Variants in FGD6 observed in about 807,000 individuals in gnomAD.
The protein encoded by FGD6 is FYVE, RhoGEF and PH domain containing 6, also known as FYVE, RhoGEF and PH domain-containing protein 6.
Under a neutral mutation model 149.4 loss-of-function variants are expected in FGD6, and 90 were observed. That is an observed-to-expected ratio of 0.60 (90% CI 0.51 to 0.72). FGD6 has a LOEUF of 0.72. Ranked by LOEUF, FGD6 falls within the 30% of genes least tolerant of loss-of-function variation. The probability of loss-of-function intolerance (pLI) is 0.00; values close to 1 mark genes in which losing one functional copy is unlikely to be tolerated. For synonymous variants in FGD6, 527 were observed against 584.0 expected (o/e 0.90, Z 1.41); for missense variants, 1,437 against 1,684.8 (o/e 0.85, Z 2.57).
intron 9 of FGD6, among the ~76,000 whole-genome samples, chr12:95,109,726 C>T (rs192674961): frequency 1.4e-4 from 21 of 152,078 alleles, no homozygotes; most frequent in African/African-American, 4.3e-4. Flanking sequence ...AGCTGGGTGT[C>T]GTGGCTCATG....
chr12:95,156,841 C>T (rs1880487467), intron 3 of FGD6, among the ~76,000 whole-genome samples: 1 of 152,116 alleles, frequency 6.6e-6, no homozygotes, highest in Non-Finnish European at 1.5e-5. Context: ...AAAATGAAAA[C>T]AACCTACGTG....
At position 95,079,623 on chromosome 12, in the gene FGD6, T is replaced by G. The variant is rs1207970538; in HGVS notation, c.*1897A>C. ...TAACATGGAAGCCTTATTTATGTGA[T>G]CTTGATTATATAAAATTGAGCTACA... On this transcript the variant is annotated 3_prime_UTR_variant, in exon 21 of 21. Coordinates refer to ENST00000343958, the MANE Select transcript of FGD6 (RefSeq NM_018351.4). 3 of 152,190 alleles carry G rather than the reference T, an allele frequency of 2.0e-5. No individual in the cohort carries two copies. The highest frequency in any genetic ancestry group is 4.4e-5 in the Non-Finnish European group (3 of 68,022). The allele number at this position is 152,190 out of a possible 1,614,324, so 9.4% of individuals were successfully genotyped here.
chr12:95,086,779 C>T (rs1877884452), intron 18 of FGD6, among the ~76,000 whole-genome samples: 1 of 150,678 alleles, frequency 6.6e-6, no homozygotes, highest in Non-Finnish European at 1.5e-5. Flanking sequence ...ATCTCCCGAC[C>T]TTGTGATCCA....
At chr12:95,180,835 A>C (rs1279228284) in intron 2 of FGD6, among the ~76,000 whole-genome samples, 1 of 152,178 alleles carries the variant, frequency 6.6e-6, no homozygotes, top group Non-Finnish European at 1.5e-5. Flanking sequence ...ATGTATTTAT[A>C]CATATATACA....
chr12:95,148,783 T>TAC (rs1880128291), intron 5 of FGD6, among the ~76,000 whole-genome samples: 2 of 102,844 alleles, frequency 1.9e-5, no homozygotes, highest in South Asian at 2.8e-4. Flanking sequence ...ATATTATATA[T>TAC]TATATAATAC....
intron 2 of FGD6, among the ~76,000 whole-genome samples, chr12:95,191,340 G>A (rs1881583292): frequency 6.6e-6 from 1 of 152,158 alleles, no homozygotes; most frequent in Admixed American, 6.5e-5. Context: ...CTTCTCCAAG[G>A]GAGCTTTGTT....
chr12:95,205,997 T>C (rs1487009619), intron 2 of FGD6, among the ~76,000 whole-genome samples: 2 of 152,196 alleles, frequency 1.3e-5, no homozygotes, highest in Non-Finnish European at 1.5e-5. Flanking sequence ...ACTCTCCTTA[T>C]GCCACTGGCT....
At chr12:95,129,307 GCATGCATCCATCCATC>G (rs1355807992) in intron 8 of FGD6, among the ~76,000 whole-genome samples, 2,531 of 142,134 alleles carry the variant, frequency 0.018, 65 homozygotes, top group African/African-American at 0.058. Flanking sequence ...ATGCATGCAT[GCATGCATCCATCCATC>G]CATCCATCCA....
chr12:95,102,988 G>A (rs915547819), intron 14 of FGD6, among the ~76,000 whole-genome samples: 2 of 152,146 alleles, frequency 1.3e-5, no homozygotes, highest in Non-Finnish European at 2.9e-5. Flanking sequence ...TGTGACTGAT[G>A]CAGAGTAATA....
At chr12:95,170,666 T>C (rs150281385) in intron 3 of FGD6, among the ~76,000 whole-genome samples, 2 of 152,218 alleles carry the variant, frequency 1.3e-5, no homozygotes, top group East Asian at 1.9e-4. Flanking sequence ...GTTGGCTACA[T>C]AGAAGCTTAG....
intron 14 of FGD6, chr12:95,101,030 TAAG>T (rs1792188786): frequency 6.4e-6 from 2 of 311,558 alleles, no homozygotes; most frequent in African/African-American, 2.2e-5. Flanking sequence ...CCTTGATTGA[TAAG>T]AAGAATGGAA....
intron 8 of FGD6, among the ~76,000 whole-genome samples, chr12:95,125,306 C>T (rs2136250929): frequency 6.6e-6 from 1 of 152,272 alleles, no homozygotes; most frequent in Middle Eastern, 3.4e-3. Context: ...GTGCTTGCCT[C>T]ATATACCCTA....
chr12:95,136,537 G>A (rs1487190839), intron 7 of FGD6, among the ~76,000 whole-genome samples: 1 of 152,094 alleles, frequency 6.6e-6, no homozygotes, highest in Non-Finnish European at 1.5e-5. Context: ...ATTAAATCAG[G>A]GTTCCACCCT....
rs1877614216 is a variant in FGD6, at chr12:95,079,855, C to G, written c.*1665G>C. ...AATCCTCATGGTTGCTGTTAAGGAT[C>G]ACACTGAATTAGGAAATCCTTTATT... is the stretch of plus-strand genomic sequence containing the variant. On this transcript the variant is annotated 3_prime_UTR_variant, in exon 21 of 21. Coordinates refer to ENST00000343958, the MANE Select transcript of FGD6 (RefSeq NM_018351.4). 1 of 151,786 alleles carries G rather than the reference C, an allele frequency of 6.6e-6. No individual in the cohort carries two copies. Among genetic ancestry groups the G allele is most frequent in the Non-Finnish European group, 1.5e-5 (1 of 67,998 alleles). The allele number at this position is 151,786 out of a possible 1,614,324, so 9.4% of individuals were successfully genotyped here. A position where few individuals can be genotyped will look rare whatever the true frequency, so the allele number is the denominator to read the frequency against.
chr12:95,189,830 T>A (rs1307983821), intron 2 of FGD6, among the ~76,000 whole-genome samples: 1 of 152,198 alleles, frequency 6.6e-6, no homozygotes. Flanking sequence ...TATTTAAGTT[T>A]TGCCCTACAG....
At chr12:95,118,749 G>C (rs1177379311) in intron 8 of FGD6, among the ~76,000 whole-genome samples, 4 of 152,174 alleles carry the variant, frequency 2.6e-5, no homozygotes, top group Non-Finnish European at 5.9e-5. Context: ...AGTGGGATCA[G>C]CAACACATAC....
At chr12:95,181,576 G>A (rs969369463) in intron 2 of FGD6, among the ~76,000 whole-genome samples, 8 of 152,142 alleles carry the variant, frequency 5.3e-5, no homozygotes, top group African/African-American at 1.9e-4. Context: ...CTTAGAATTG[G>A]GATTCACATC....
chr12:95,169,421 C>T (rs886538703), intron 3 of FGD6, among the ~76,000 whole-genome samples: 1 of 151,808 alleles, frequency 6.6e-6, no homozygotes, highest in Non-Finnish European at 1.5e-5. Context: ...TTTAACAGGG[C>T]TACTGCAATA....
At chr12:95,103,533 G>A (rs902615449) in intron 14 of FGD6, among the ~76,000 whole-genome samples, 9 of 151,972 alleles carry the variant, frequency 5.9e-5, no homozygotes, top group Non-Finnish European at 1.3e-4. Context: ...TTCTTTTCCC[G>A]CCCTCCCTCC....
Sources: allele counts gnomAD v4.1 joint callset (sites outside exome capture counted in the v4.1 genomes callset), GRCh38; gene constraint gnomAD v4.1.1; transcripts MANE v1.5; gene names NCBI Gene and HGNC (gene_info 2026-07-23, HGNC 2026-07-21).